Variants in SLC25A21 observed in about 807,000 individuals in gnomAD.
The protein encoded by SLC25A21 is mitochondrial 2-oxodicarboxylate carrier.
SLC25A21 carries 47 observed loss-of-function variants against 43.8 expected under a neutral mutation model. The ratio of observed to expected loss-of-function variants is 1.07; its 90% CI spans 0.85 to 1.37. The LOEUF (loss-of-function observed/expected upper bound fraction) is 1.37. Among genes scored for constraint, SLC25A21 ranks in the 40% most tolerant of loss-of-function variants. The probability of loss-of-function intolerance (pLI) is 0.00; values close to 1 mark genes in which losing one functional copy is unlikely to be tolerated. For missense variants in SLC25A21, 352 were observed against 350.2 expected, an observed-to-expected ratio of 1.00 and a Z score of -0.04; for synonymous variants, 131 against 121.3, an observed-to-expected ratio of 1.08 and a Z score of -0.52.
intron 1 of SLC25A21, among the ~76,000 whole-genome samples, chr14:37,010,655 T>A (rs536870268): frequency 1.3e-5 from 2 of 151,794 alleles, no homozygotes; most frequent in South Asian, 2.1e-4. Context: ...AGACAGAACC[T>A]AAAGAATGAC....
intron 1 of SLC25A21, among the ~76,000 whole-genome samples, chr14:36,945,253 C>T (rs1022668544): frequency 6.6e-6 from 1 of 152,146 alleles, no homozygotes; most frequent in Admixed American, 6.5e-5. Context: ...AATATTGCTA[C>T]AAATGGAGGC....
chr14:36,822,288 C>A (rs1489570693), intron 2 of SLC25A21, among the ~76,000 whole-genome samples: 1 of 152,216 alleles, frequency 6.6e-6, no homozygotes, highest in Non-Finnish European at 1.5e-5. Flanking sequence ...AAGCAGTGAT[C>A]ACTAACTGAA....
At chr14:36,879,301 A>AT (rs1890639476) in intron 1 of SLC25A21, among the ~76,000 whole-genome samples, 1 of 152,198 alleles carries the variant, frequency 6.6e-6, no homozygotes, top group African/African-American at 2.4e-5. Flanking sequence ...TCCATATGTT[A>AT]TTTTTATTTC....
intron 1 of SLC25A21, among the ~76,000 whole-genome samples, chr14:37,154,284 A>G (rs1306200463): frequency 6.6e-6 from 1 of 152,166 alleles, no homozygotes; most frequent in Non-Finnish European, 1.5e-5. Flanking sequence ...CAAAGAAATC[A>G]TACAAAGACT....
intron 1 of SLC25A21, among the ~76,000 whole-genome samples, chr14:37,004,460 G>C (rs1356834436): frequency 1.3e-5 from 2 of 152,184 alleles, no homozygotes; most frequent in Non-Finnish European, 2.9e-5. Context: ...GAGGACACCT[G>C]GGCCAAGGTT....
chr14:36,890,456 T>C (rs1025611637), intron 1 of SLC25A21, among the ~76,000 whole-genome samples: 6 of 152,024 alleles, frequency 3.9e-5, no homozygotes, highest in African/African-American at 1.4e-4. Context: ...GATGAGAACA[T>C]GGTATTGAGA....
intron 3 of SLC25A21, among the ~76,000 whole-genome samples, chr14:36,767,132 T>C (rs1210421089): frequency 1.3e-5 from 2 of 152,232 alleles, no homozygotes; most frequent in East Asian, 3.8e-4. Context: ...TCAGTGATTC[T>C]TGTGCTTGTT....
chr14:36,713,951 T>G (rs372810034), intron 6 of SLC25A21, among the ~76,000 whole-genome samples: 5 of 152,200 alleles, frequency 3.3e-5, no homozygotes, highest in African/African-American at 1.2e-4. Flanking sequence ...ACTGTTATCC[T>G]GTCACTGCAT....
intron 2 of SLC25A21, among the ~76,000 whole-genome samples, chr14:36,815,351 T>C (rs112508424): frequency 2.9e-4 from 43 of 150,760 alleles, no homozygotes; most frequent in African/African-American, 1.0e-3. Flanking sequence ...AAATACAGAG[T>C]AGCTAATAGG....
intron 3 of SLC25A21, among the ~76,000 whole-genome samples, chr14:36,789,167 T>C (rs1044542146): frequency 6.6e-6 from 1 of 152,168 alleles, no homozygotes; most frequent in African/African-American, 2.4e-5. Flanking sequence ...TAAATAACTT[T>C]TCAGGGAGTT....
intron 1 of SLC25A21, among the ~76,000 whole-genome samples, chr14:37,035,586 T>C (rs903710723): frequency 4.6e-5 from 7 of 152,238 alleles, no homozygotes; most frequent in East Asian, 3.9e-4. Flanking sequence ...CCCTGGGTCT[T>C]ATATTCTCAA....
intron 1 of SLC25A21, among the ~76,000 whole-genome samples, chr14:37,046,977 A>C (rs1419024469): frequency 1.3e-5 from 2 of 152,208 alleles, no homozygotes; most frequent in African/African-American, 4.8e-5. Flanking sequence ...TGTCCTTTTC[A>C]TAGTTTGTTT....
intron 1 of SLC25A21, among the ~76,000 whole-genome samples, chr14:36,972,862 G>T (rs117728824): frequency 6.6e-6 from 1 of 151,840 alleles, no homozygotes; most frequent in Non-Finnish European, 1.5e-5. Flanking sequence ...ACAAAGACAA[G>T]GTCTCTCTCA....
chr14:37,166,323 T>C (rs1481749761), intron 1 of SLC25A21, among the ~76,000 whole-genome samples: 1 of 152,254 alleles, frequency 6.6e-6, no homozygotes, highest in Non-Finnish European at 1.5e-5. Flanking sequence ...AGCAAGGTAC[T>C]ACTTAATGGA....
rs775265358 is a variant in SLC25A21 at position 36,680,555 on chromosome 14, C to T, written c.*103G>A. ...ATAGATTTTGTTCTTGAACAGTTTTCTCCTTCATAATTATACACCTGGCCG... is the reference window on the plus strand; with the variant it reads ...ATAGATTTTGTTCTTGAACAGTTTTTTCCTTCATAATTATACACCTGGCCG... On this transcript the variant is annotated 3_prime_UTR_variant, in exon 10 of 10. Transcript: ENST00000331299. The T allele has an allele frequency of 5.6e-5, 80 of 1,432,144 alleles. No individual in the cohort carries two copies. Among genetic ancestry groups the T allele is most frequent in the Non-Finnish European group, 7.2e-5 (78 of 1,089,014 alleles). 88.7% of individuals were successfully genotyped at this position (1,432,144 alleles called of 1,614,324 possible).
chr14:36,797,624 A>G (rs712334), intron 3 of SLC25A21, among the ~76,000 whole-genome samples: 150,523 of 152,316 alleles, frequency 0.99, 74,396 homozygotes, highest in East Asian at 1. Context: ...GAACAGTAGC[A>G]TCTTCCTTTT....
chr14:37,089,974 G>A (rs2138849200), intron 1 of SLC25A21, among the ~76,000 whole-genome samples: 1 of 152,222 alleles, frequency 6.6e-6, no homozygotes, highest in Non-Finnish European at 1.5e-5. Flanking sequence ...TATTTAAAAT[G>A]TGCAAAGAAA....
Position 36,936,539 on chromosome 14 carries a change from C to T in SLC25A21, c.71-61535G>A, listed in dbSNP as rs544028498. Among the ~76,000 whole-genome samples, 6 of 152,308 alleles carry T rather than the reference C, an allele frequency of 3.9e-5. No homozygotes were observed. The East Asian group carries it at 1.2e-3, about 29-fold the overall frequency. ...AAATGTTGACAATGTAAAGCGAGAA[C>T]TAAACCACAGACCAGAACCTCTCAG... On this transcript the variant is annotated intron_variant, in intron 1 of 9. Transcript: ENST00000331299.
chr14:36,793,920 GAAAA>G (rs57263212), intron 3 of SLC25A21, among the ~76,000 whole-genome samples: 4 of 111,542 alleles, frequency 3.6e-5, no homozygotes, highest in Admixed American at 9.8e-5. Context: ...TGCAGATCAG[GAAAA>G]AAAAAAAAAA....
Sources: gnomAD v4.1 joint callset for allele counts (sites outside exome capture counted in the v4.1 genomes callset) on GRCh38, gnomAD v4.1.1 for gene constraint, MANE v1.5 for transcripts, NCBI Gene and HGNC (gene_info 2026-07-23, HGNC 2026-07-21) for gene names.